PRELID2: variants seen among roughly 807,000 people sequenced by gnomAD.
PRELID2 encodes PRELI domain containing 2.
PRELID2 carries 25 observed loss-of-function variants against 28.4 expected under a neutral mutation model. The observed-to-expected ratio is 0.88, with a 90% CI of 0.64 to 1.23. The LOEUF is 1.23. Among genes scored for constraint, PRELID2 ranks in the 50% most tolerant of loss-of-function variants. The probability of loss-of-function intolerance (pLI) is 0.00; values close to 1 mark genes in which losing one functional copy is unlikely to be tolerated. For missense variants in PRELID2, 201 were observed against 214.4 expected (o/e 0.94, Z 0.39); for synonymous variants, 76 against 71.6 (o/e 1.06, Z -0.31).
chr5:145,334,535 T>C, the PRELID2 span, among the ~76,000 whole-genome samples: 1 of 152,200 alleles, frequency 6.6e-6, no homozygotes, highest in Non-Finnish European at 1.5e-5. Context: ...GATTACAATA[T>C]CCTGATGATT....
At chr5:145,741,970 A>T (rs1756810085) in intron 1 of PRELID2, among the ~76,000 whole-genome samples, 1 of 53,774 alleles carries the variant, frequency 1.9e-5, no homozygotes, top group Non-Finnish European at 3.8e-5. Context: ...AAATAAATAA[A>T]TTTATTTAAT....
At chr5:145,629,727 C>T (rs1223149549) in intron 1 of PRELID2, among the ~76,000 whole-genome samples, 1 of 151,504 alleles carries the variant, frequency 6.6e-6, no homozygotes, top group Non-Finnish European at 1.5e-5. Flanking sequence ...GCATAGAGGG[C>T]TTTAAAACTT....
intron 1 of PRELID2, among the ~76,000 whole-genome samples, chr5:145,731,144 T>C (rs1475503362): frequency 6.6e-6 from 1 of 152,244 alleles, no homozygotes; most frequent in Admixed American, 6.5e-5. Context: ...TGTTCTACAT[T>C]GTTGCATGTG....
the PRELID2 span, among the ~76,000 whole-genome samples, chr5:145,261,626 T>G: frequency 3.9e-5 from 6 of 152,038 alleles, no homozygotes; most frequent in Non-Finnish European, 7.4e-5. Context: ...GGAATTCCCG[T>G]CCTTAAAGGA....
the PRELID2 span, among the ~76,000 whole-genome samples, chr5:145,270,992 T>A: frequency 6.6e-6 from 1 of 152,180 alleles, no homozygotes; most frequent in Non-Finnish European, 1.5e-5. Flanking sequence ...GAAGCAAGGA[T>A]CTTCTTCACA....
At chr5:145,496,100 A>C (rs1466420870) in intron 1 of PRELID2, among the ~76,000 whole-genome samples, 1 of 152,232 alleles carries the variant, frequency 6.6e-6, no homozygotes, top group Admixed American at 6.5e-5. Context: ...TATTCTTAGA[A>C]ATTAGAAGCA....
rs1299205453 is a variant in PRELID2 at position 145,706,382 on chromosome 5, C to T, written n.70+58549G>A. 2.6e-5 allele frequency among the ~76,000 whole-genome samples: 4 copies of T among 152,136 alleles called. No homozygotes were observed. The East Asian group carries it at 7.7e-4, about 29-fold the overall frequency. On this transcript the variant is annotated intron_variant and non_coding_transcript_variant, in intron 1 of 2. Transcript: ENST00000510259. Reference sequence around the variant, plus strand: ...ACAGTGTTTTCCAGAAAGAAAGAAACAAAAATTGATGAGCGTAACTCCTTT... The same window carrying T: ...ACAGTGTTTTCCAGAAAGAAAGAAATAAAAATTGATGAGCGTAACTCCTTT...
the PRELID2 span, among the ~76,000 whole-genome samples, chr5:145,422,779 T>C: frequency 6.6e-6 from 1 of 152,082 alleles, no homozygotes; most frequent in African/African-American, 2.4e-5. Context: ...CCTGTCATTA[T>C]GATGTTAGCT....
intron 1 of PRELID2, among the ~76,000 whole-genome samples, chr5:145,829,445 T>C (rs1702563862): frequency 6.6e-6 from 1 of 152,226 alleles, no homozygotes; most frequent in African/African-American, 2.4e-5. Flanking sequence ...GTTATCATTA[T>C]TCAACAAGTA....
chr5:145,821,352 C>T (rs1299921210), intron 2 of PRELID2, among the ~76,000 whole-genome samples: 2 of 146,098 alleles, frequency 1.4e-5, no homozygotes, highest in African/African-American at 2.5e-5. Context: ...TGTAAGCCCT[C>T]GTGTTTGTGT....
chr5:145,282,515 CTT>C, the PRELID2 span, among the ~76,000 whole-genome samples: 3 of 141,666 alleles, frequency 2.1e-5, no homozygotes, highest in African/African-American at 7.7e-5. Context: ...GACAGCTCTT[CTT>C]TTTTTTTTTT....
chr5:145,233,514 A>G, the PRELID2 span, among the ~76,000 whole-genome samples: 461 of 152,246 alleles, frequency 3.0e-3, no homozygotes, highest in Non-Finnish European at 5.4e-3. Flanking sequence ...CCTGTTGGAC[A>G]TTAGAATTCC....
At chr5:145,524,389 C>G (rs180737414) in intron 1 of PRELID2, among the ~76,000 whole-genome samples, 1 of 152,164 alleles carries the variant, frequency 6.6e-6, no homozygotes, top group Admixed American at 6.5e-5. Flanking sequence ...AGGATTTGGC[C>G]ATTTCCCGGG....
the PRELID2 span, among the ~76,000 whole-genome samples, chr5:145,245,049 C>T: frequency 6.6e-6 from 1 of 152,006 alleles, no homozygotes; most frequent in Non-Finnish European, 1.5e-5. Flanking sequence ...GGTTATGATA[C>T]TTCATTGACG....
At chr5:145,477,900 G>A (rs561360376) in intron 1 of PRELID2, among the ~76,000 whole-genome samples, 5 of 152,158 alleles carry the variant, frequency 3.3e-5, no homozygotes, top group African/African-American at 1.2e-4. Context: ...GGGAAAGGGG[G>A]AAGTGGGGAG....
the PRELID2 span, among the ~76,000 whole-genome samples, chr5:145,391,672 A>G: frequency 1.3e-5 from 2 of 151,226 alleles, no homozygotes; most frequent in Admixed American, 6.6e-5. Flanking sequence ...ATTTCTCCCT[A>G]GAAAATGTTT....
intron 1 of PRELID2, among the ~76,000 whole-genome samples, chr5:145,620,046 C>T (rs1753753077): frequency 6.6e-6 from 1 of 152,146 alleles, no homozygotes; most frequent in Non-Finnish European, 1.5e-5. Flanking sequence ...GTTTATCATT[C>T]TCTGGTAAAA....
chr5:145,824,425 C>CGTGTGTGTGTGTGTGTGTGTGTGTGT (rs369429281), intron 1 of PRELID2, among the ~76,000 whole-genome samples: 1 of 96,160 alleles, frequency 1.0e-5, no homozygotes, highest in African/African-American at 3.0e-5. Flanking sequence ...CCACAGCAGG[C>CGTGTGTGTGTGTGTGTGTGTGTGTGT]GTGTGTGTGT....
At chr5:145,830,464 G>C (rs538831941) in intron 1 of PRELID2, among the ~76,000 whole-genome samples, 1 of 152,180 alleles carries the variant, frequency 6.6e-6, no homozygotes, top group Non-Finnish European at 1.5e-5. Context: ...GTCTAAGTGA[G>C]ATTCCAGAGA....
Sources: allele counts gnomAD v4.1 joint callset (sites outside exome capture counted in the v4.1 genomes callset), GRCh38; gene constraint gnomAD v4.1.1; transcripts MANE v1.5; gene names NCBI Gene and HGNC (gene_info 2026-07-23, HGNC 2026-07-21).